The following CFAP95 variants were observed in gnomAD, a reference collection of about 807,000 sequenced individuals.
CFAP95 encodes the protein cilia- and flagella-associated protein 95.
the CFAP95 span, among the ~76,000 whole-genome samples, chr9:69,832,898 T>C: frequency 2.6e-5 from 4 of 152,078 alleles, no homozygotes; most frequent in South Asian, 8.3e-4. Flanking sequence ...TCTTAGAAAG[T>C]CATGTAAGTC....
At chr9:69,838,109 G>C in the CFAP95 span, among the ~76,000 whole-genome samples, 1 of 152,136 alleles carries the variant, frequency 6.6e-6, no homozygotes, top group African/African-American at 2.4e-5. Flanking sequence ...TTTGGTACCA[G>C]TACCATGCTG....
the CFAP95 span, among the ~76,000 whole-genome samples, chr9:69,894,366 T>C: frequency 6.6e-6 from 1 of 152,048 alleles, no homozygotes; most frequent in African/African-American, 2.4e-5. Context: ...AGAATTTGCC[T>C]TATTGAATAA....
the CFAP95 span, among the ~76,000 whole-genome samples, chr9:69,904,712 C>T: frequency 6.6e-6 from 1 of 152,168 alleles, no homozygotes; most frequent in Non-Finnish European, 1.5e-5. Flanking sequence ...GCCAGTGATG[C>T]TCAAATCTCA....
chr9:69,875,171 C>T, the CFAP95 span, among the ~76,000 whole-genome samples: 1 of 152,020 alleles, frequency 6.6e-6, no homozygotes, highest in Non-Finnish European at 1.5e-5. Context: ...ACATAATGTA[C>T]TCTCTATCAC....
the CFAP95 span, chr9:69,905,877 G>A: frequency 1.8e-6 from 2 of 1,100,468 alleles, no homozygotes; most frequent in Non-Finnish European, 2.4e-6. Flanking sequence ...AATAATATAT[G>A]AAAAATAAAC....
the CFAP95 span, among the ~76,000 whole-genome samples, chr9:69,843,388 G>A: frequency 1.3e-5 from 2 of 150,516 alleles, no homozygotes; most frequent in Non-Finnish European, 3.0e-5. Context: ...TCAGTTGCCA[G>A]CCACTTCTCC....
At chr9:69,903,305 A>G in the CFAP95 span, among the ~76,000 whole-genome samples, 1 of 152,224 alleles carries the variant, frequency 6.6e-6, no homozygotes, top group Non-Finnish European at 1.5e-5. Context: ...ATTTAAGTCA[A>G]ATGCCTAACA....
chr9:69,854,607 C>G, the CFAP95 span, among the ~76,000 whole-genome samples: 5 of 152,258 alleles, frequency 3.3e-5, no homozygotes, highest in African/African-American at 1.2e-4. Context: ...TTTGCACCTC[C>G]AGATCCACTC....
the CFAP95 span, among the ~76,000 whole-genome samples, chr9:69,842,324 G>A: frequency 6.6e-6 from 1 of 152,164 alleles, no homozygotes; most frequent in Non-Finnish European, 1.5e-5. Context: ...TAAGCAAGGA[G>A]AAAGGATGGC....
the CFAP95 span, chr9:69,821,058 C>G: frequency 6.2e-7 from 1 of 1,605,898 alleles, no homozygotes; most frequent in Non-Finnish European, 8.5e-7. Flanking sequence ...CGCAAGTTCC[C>G]GGGTGCTGCG....
At chr9:69,828,539 C>T in the CFAP95 span, among the ~76,000 whole-genome samples, 8 of 152,148 alleles carry the variant, frequency 5.3e-5, no homozygotes, top group East Asian at 1.9e-4. Context: ...AAAAATTAGC[C>T]GGGTGTGGTG....
chr9:69,841,354 G>A, the CFAP95 span, among the ~76,000 whole-genome samples: 2 of 151,528 alleles, frequency 1.3e-5, no homozygotes, highest in African/African-American at 4.9e-5. Flanking sequence ...ATGTACTCCG[G>A]TTTTATTGCC....
the CFAP95 span, among the ~76,000 whole-genome samples, chr9:69,896,613 G>A: frequency 6.6e-6 from 1 of 152,174 alleles, no homozygotes; most frequent in African/African-American, 2.4e-5. Context: ...AATAGGAGTA[G>A]TAAATACTTC....
the CFAP95 span, among the ~76,000 whole-genome samples, chr9:69,859,694 A>C: frequency 1.3e-5 from 2 of 152,242 alleles, no homozygotes; most frequent in Admixed American, 6.5e-5. Context: ...AATGTCGGGG[A>C]TATGTTCCGA....
chr9:69,822,917 ATAGAGG>A, the CFAP95 span, among the ~76,000 whole-genome samples: 1 of 152,256 alleles, frequency 6.6e-6, no homozygotes, highest in Admixed American at 6.5e-5. Flanking sequence ...TGTTGGGGAC[ATAGAGG>A]TAGAGAAACA....
the CFAP95 span, among the ~76,000 whole-genome samples, chr9:69,889,993 C>G: frequency 6.6e-6 from 1 of 152,046 alleles, no homozygotes; most frequent in Non-Finnish European, 1.5e-5. Flanking sequence ...TGTTGAGATT[C>G]TAGGTGATTT....
chr9:69,821,135 TG>T, the CFAP95 span: 3 of 1,314,786 alleles, frequency 2.3e-6, no homozygotes, highest in Admixed American at 7.4e-5. Flanking sequence ...GGGACAGGAG[TG>T]GAGACGACAG....
At chr9:69,829,267 C>A in the CFAP95 span, among the ~76,000 whole-genome samples, 1 of 152,176 alleles carries the variant, frequency 6.6e-6, no homozygotes, top group Non-Finnish European at 1.5e-5. Flanking sequence ...ATCCAGGAGA[C>A]TCAGCCTCCT....
At chr9:69,822,089 A>T in the CFAP95 span, among the ~76,000 whole-genome samples, 1 of 152,190 alleles carries the variant, frequency 6.6e-6, no homozygotes, top group Non-Finnish European at 1.5e-5. Context: ...AACTTTTAGG[A>T]CTTTTCAAAT....
Sources: gnomAD v4.1 joint callset for allele counts (sites outside exome capture counted in the v4.1 genomes callset) on GRCh38, gnomAD v4.1.1 for gene constraint, MANE v1.5 for transcripts, NCBI Gene and HGNC (gene_info 2026-07-23, HGNC 2026-07-21) for gene names.